FIG4: variants seen among roughly 807,000 people sequenced by gnomAD.
FIG4 encodes FIG4 phosphoinositide 5-phosphatase, also known as polyphosphoinositide phosphatase.
A neutral mutation model predicts 118.6 loss-of-function variants in FIG4; 112 were observed. The observed-to-expected ratio is 0.94, with a 90% CI of 0.81 to 1.11. The LOEUF (loss-of-function observed/expected upper bound fraction) is 1.11, where lower values mean the gene tolerates loss of function less well. Among genes scored for constraint, FIG4 ranks in the 50% least tolerant of loss-of-function variants. The probability of loss-of-function intolerance (pLI) is 0.00; values close to 1 mark genes in which losing one functional copy is unlikely to be tolerated. For synonymous variants in FIG4, 369 were observed against 381.2 expected, an observed-to-expected ratio of 0.97 and a Z score of 0.37; for missense variants, 969 against 1,111.7, an observed-to-expected ratio of 0.87 and a Z score of 1.83.
intron 10 of FIG4, among the ~76,000 whole-genome samples, chr6:109,746,918 G>A (rs929099302): frequency 6.6e-6 from 1 of 152,028 alleles, no homozygotes; most frequent in Non-Finnish European, 1.5e-5. Flanking sequence ...TGATGGGCTG[G>A]ATTTGAAATG....
At chr6:109,778,686 C>G (rs572140154) in intron 16 of FIG4, among the ~76,000 whole-genome samples, 10 of 152,004 alleles carry the variant, frequency 6.6e-5, no homozygotes, top group Non-Finnish European at 1.3e-4. Context: ...GCAAGCTCTG[C>G]CTCCCGGGTT....
At chr6:109,785,869 T>C in intron 17 of FIG4, 1 of 349,492 alleles carries the variant, frequency 2.9e-6, no homozygotes. Flanking sequence ...CTCATATTGC[T>C]GAAAAGGTTT....
intron 13 of FIG4, among the ~76,000 whole-genome samples, chr6:109,764,532 CACAA>C (rs1777222078): frequency 1.3e-5 from 2 of 151,124 alleles, no homozygotes; most frequent in South Asian, 4.2e-4. Flanking sequence ...GAAATAGAAA[CACAA>C]ACAAGAACAT....
At chr6:109,779,701 A>T (rs1777737247) in intron 16 of FIG4, among the ~76,000 whole-genome samples, 1 of 152,134 alleles carries the variant, frequency 6.6e-6, no homozygotes. Context: ...GTGGGTTTTT[A>T]AAAAAACTTT....
At chr6:109,726,824 T>C (rs1382121644) in intron 3 of FIG4, among the ~76,000 whole-genome samples, 4 of 152,180 alleles carry the variant, frequency 2.6e-5, no homozygotes, top group African/African-American at 9.7e-5. Flanking sequence ...GTCTTTCACG[T>C]GCCTTGTAAG....
chr6:109,718,479 A>G lies in FIG4; in HGVS notation c.289+1911A>G, dbSNP rs377040613. 2.0e-4 allele frequency among the ~76,000 whole-genome samples: 31 copies of G among 152,342 alleles called. 1 individual carries two copies. The Middle Eastern group carries it at 0.01, about 50-fold the overall frequency. Reference sequence around the variant, plus strand: ...CTTTCTATTTTGTGACTGTATGTCTATGAAAACTTTGATTATATTCTGCCA... The same window carrying G: ...CTTTCTATTTTGTGACTGTATGTCTGTGAAAACTTTGATTATATTCTGCCA... On this transcript the variant is annotated intron_variant, in intron 3 of 22. Coordinates refer to ENST00000230124, the MANE Select transcript of FIG4 (RefSeq NM_014845.6).
Position 109,823,898 on chromosome 6 carries a change from G to A in FIG4, c.2547-1190G>A, listed in dbSNP as rs1779082920. Among the ~76,000 whole-genome samples the A allele has an allele frequency of 2.0e-5, 3 of 152,206 alleles. No homozygotes were observed. In the South Asian group the frequency reaches 6.2e-4, roughly 32 times the overall value. On this transcript the variant is annotated intron_variant, in intron 22 of 22. Coordinates refer to ENST00000230124, the MANE Select transcript of FIG4 (RefSeq NM_014845.6). Reference sequence around the variant, plus strand: ...AGCCCTGAGCCAAGTAGCAGAGTGTGTTGTCATTGTGCCCCCCAGCCCCTC... The same window carrying A: ...AGCCCTGAGCCAAGTAGCAGAGTGTATTGTCATTGTGCCCCCCAGCCCCTC...
intron 16 of FIG4, among the ~76,000 whole-genome samples, chr6:109,778,591 TTTTG>T (rs1268011672): frequency 1.3e-5 from 2 of 152,074 alleles, no homozygotes; most frequent in African/African-American, 4.8e-5. Flanking sequence ...AGTTGTTTTT[TTTTG>T]TTTGTTTGTT....
At chr6:109,731,415 A>G (rs1043178097) in intron 4 of FIG4, among the ~76,000 whole-genome samples, 2 of 152,208 alleles carry the variant, frequency 1.3e-5, no homozygotes, top group African/African-American at 4.8e-5. Context: ...TGTATCTTAT[A>G]GTGGAGAACT....
chr6:109,708,504 G>A (rs914675675), intron 1 of FIG4, among the ~76,000 whole-genome samples: 1 of 152,124 alleles, frequency 6.6e-6, no homozygotes, highest in African/African-American at 2.4e-5. Context: ...TTGCTGGGCC[G>A]AATGATATTT....
intron 7 of FIG4, 112 bp downstream of exon 7, chr6:109,738,565 C>A: frequency 1.0e-6 from 1 of 995,364 alleles, no homozygotes; most frequent in Non-Finnish European, 1.6e-6. Flanking sequence ...TGCACCCCAA[C>A]AGGAAAACCT....
chr6:109,754,833 T>G (rs1472133050), intron 10 of FIG4, among the ~76,000 whole-genome samples: 1 of 152,248 alleles, frequency 6.6e-6, no homozygotes, highest in Admixed American at 6.5e-5. Context: ...TTCTTTTTTC[T>G]TTATTAGTCT....
At chr6:109,762,233 A>G in intron 12 of FIG4, 26 bp downstream of exon 12, 5 of 1,370,814 alleles carry the variant, frequency 3.6e-6, no homozygotes, top group Non-Finnish European at 5.2e-6. Flanking sequence ...TAAAACTTAT[A>G]ATAAATGATG....
chr6:109,714,193 T>C (rs1206863282), intron 1 of FIG4, among the ~76,000 whole-genome samples: 1 of 151,920 alleles, frequency 6.6e-6, no homozygotes, highest in Non-Finnish European at 1.5e-5. Context: ...TTGGCGAGAG[T>C]AAGTTTCTCC....
intron 10 of FIG4, among the ~76,000 whole-genome samples, chr6:109,757,799 A>C (rs368587960): frequency 6.6e-6 from 1 of 152,246 alleles, no homozygotes; most frequent in South Asian, 2.1e-4. Flanking sequence ...AAAAATCACA[A>C]GCATTCCTAT....
At chr6:109,733,452 G>A (rs1406677644) in intron 5 of FIG4, among the ~76,000 whole-genome samples, 1 of 152,048 alleles carries the variant, frequency 6.6e-6, no homozygotes. Flanking sequence ...AACACAGTAA[G>A]GACTTGAGTC....
intron 3 of FIG4, among the ~76,000 whole-genome samples, chr6:109,719,127 C>A (rs1775528357): frequency 1.3e-5 from 2 of 152,032 alleles, no homozygotes; most frequent in African/African-American, 4.8e-5. Context: ...CCATGTTGGC[C>A]AGGCTGATCT....
chr6:109,795,109 T>G (rs1348690823), intron 21 of FIG4, among the ~76,000 whole-genome samples: 41 of 43,192 alleles, frequency 9.5e-4, no homozygotes, highest in African/African-American at 3.0e-3. Context: ...TTTTTTTTTT[T>G]TTTTTTTTTT....
In FIG4 at chr6:109,743,272, T is replaced by A. The variant is rs1776382147; in HGVS notation, c.1039T>A (p.Leu347Met). The change falls in exon 9 of 23, where the codon TTG becomes ATG. Residue 347 changes from leucine to methionine, a missense_variant and splice_region_variant. Around this residue, in one of 3 missense-constraint regions of FIG4, gnomAD observed 246 missense variants for 354.3 expected, o/e 0.69. Transcript: ENST00000230124. ...TATGATGCCTAAACCACCTATTACA[T>A]GTGTGTGGAGCCATGTTTTTAATAA... ...STMMPKPPITLDQADPFAHVA... is the reference protein window; with the variant it reads ...STMMPKPPITMDQADPFAHVA... The A allele has an allele frequency of 6.2e-7, 1 of 1,612,056 alleles. No individual in the cohort carries two copies. The highest frequency in any genetic ancestry group is 1.3e-5 in the African/African-American group (1 of 74,796).
Sources: gnomAD v4.1 joint callset for allele counts (sites outside exome capture counted in the v4.1 genomes callset) on GRCh38, gnomAD v4.1.1 for gene constraint, gnomAD v4.1.1 regional missense constraint, MANE v1.5 for transcripts, NCBI Gene and HGNC (gene_info 2026-07-23, HGNC 2026-07-21) for gene names.